AIF1L: variants seen among roughly 807,000 people sequenced by gnomAD.
The protein encoded by AIF1L is allograft inflammatory factor 1-like.
Under a neutral mutation model 20.7 loss-of-function variants are expected in AIF1L, and 12 were observed. The observed-to-expected ratio is 0.58, with a 90% CI of 0.37 to 0.94. The LOEUF is 0.94. Ranked by LOEUF, AIF1L falls within the 40% of genes least tolerant of loss-of-function variation. The probability of loss-of-function intolerance (pLI) is 0.01; values close to 1 mark genes in which losing one functional copy is unlikely to be tolerated. For missense variants in AIF1L, 173 were observed against 185.3 expected (o/e 0.93, Z 0.39); for synonymous variants, 76 against 65.1 (o/e 1.17, Z -0.81).
At chr9:131,101,336 A>G (rs979636360) in intron 2 of AIF1L, among the ~76,000 whole-genome samples, 4 of 151,880 alleles carry the variant, frequency 2.6e-5, no homozygotes, top group Admixed American at 6.6e-5. Flanking sequence ...GCCCCATGGG[A>G]TAAGGATTAT....
intron 2 of AIF1L, chr9:131,102,795 T>C (rs1195392752): frequency 1.2e-5 from 5 of 429,232 alleles, no homozygotes; most frequent in African/African-American, 2.0e-5. Flanking sequence ...TAAGAGCCTG[T>C]GGGCTGCGTC....
At chr9:131,108,923 T>A (rs1830811752) in intron 2 of AIF1L, among the ~76,000 whole-genome samples, 1 of 152,220 alleles carries the variant, frequency 6.6e-6, no homozygotes, top group Non-Finnish European at 1.5e-5. Context: ...TGTCATCCTC[T>A]ATTCTGCTTG....
At chr9:131,117,962 A>T in intron 5 of AIF1L, 44 bp downstream of exon 5, 1 of 1,571,102 alleles carries the variant, frequency 6.4e-7, no homozygotes, top group Non-Finnish European at 8.6e-7. Context: ...AGGCAAAATC[A>T]TTCTGTGCAG....
intron 2 of AIF1L, among the ~76,000 whole-genome samples, chr9:131,106,586 C>T (rs961607123): frequency 6.6e-6 from 1 of 151,920 alleles, no homozygotes; most frequent in Non-Finnish European, 1.5e-5. Flanking sequence ...AGTTTAAGAC[C>T]AGCCTGGGCA....
chr9:131,118,273 A>G (rs1160360955), intron 5 of AIF1L, among the ~76,000 whole-genome samples: 11 of 152,042 alleles, frequency 7.2e-5, no homozygotes, highest in Admixed American at 7.2e-4. Flanking sequence ...TTGTATTTTT[A>G]GAAGAGACGG....
chr9:131,120,432 G>T lies in AIF1L; in HGVS notation c.*110G>T. 1.3e-5 allele frequency: 12 copies of T among 937,832 alleles called. No homozygotes were observed. The highest frequency in any genetic ancestry group is 1.9e-5 in the Non-Finnish European group (12 of 635,334). 58.1% of individuals were successfully genotyped at this position (937,832 alleles called of 1,614,324 possible). On this transcript the variant is annotated 3_prime_UTR_variant, in exon 6 of 6. Transcript: ENST00000247291. ...CTCTCTCATTTGTTTGGTCATTGAG[G>T]GTTTGTTTGTGTTTTCATCAATGTC...
At position 131,111,659 on chromosome 9, in the gene AIF1L, CAAAGGTAAGCTG is replaced by C. The variant is rs1376101767; in HGVS notation, c.157_160+8del. Reference sequence around the variant, plus strand: ...ACCTTCCAGAAAAGCTCACAGCCTTCAAAGGTAAGCTGGGGCGGGCTGCCCTGCATTTATTCC... The same window carrying C: ...ACCTTCCAGAAAAGCTCACAGCCTTCGGGCGGGCTGCCCTGCATTTATTCC... On this transcript the variant is annotated splice_donor_variant and splice_donor_5th_base_variant and coding_sequence_variant and intron_variant, in exon 3 of 6. Coordinates refer to ENST00000247291, the MANE Select transcript of AIF1L (RefSeq NM_031426.4). LOFTEE classifies it high-confidence loss of function. The C allele has an allele frequency of 6.2e-7, 1 of 1,613,874 alleles. No homozygotes were observed. The highest frequency in any genetic ancestry group is 8.5e-7 in the Non-Finnish European group (1 of 1,179,952).
chr9:131,116,720 T>C (rs1831021565), intron 4 of AIF1L, among the ~76,000 whole-genome samples: 2 of 152,234 alleles, frequency 1.3e-5, no homozygotes, highest in African/African-American at 4.8e-5. Flanking sequence ...CTTGTTCACC[T>C]CCCTGGTTAT....
chr9:131,115,670 T>C (rs1416285450), intron 4 of AIF1L, among the ~76,000 whole-genome samples: 1 of 151,482 alleles, frequency 6.6e-6, no homozygotes, highest in East Asian at 2.0e-4. Context: ...ATCATTTTTT[T>C]TTTTCTTTAG....
intron 4 of AIF1L, among the ~76,000 whole-genome samples, chr9:131,115,475 G>T: frequency 3.1e-5 from 2 of 64,654 alleles, no homozygotes; most frequent in Non-Finnish European, 3.5e-5. Context: ...AAAAAAAAAA[G>T]CAAAAAGAAA....
intron 2 of AIF1L, chr9:131,103,035 G>T: frequency 2.2e-6 from 1 of 455,652 alleles, no homozygotes; most frequent in Non-Finnish European, 4.4e-6. Context: ...CAGGCAGGTG[G>T]GAGGGCTTCT....
chr9:131,113,163 A>C (rs1355827296), intron 3 of AIF1L, among the ~76,000 whole-genome samples: 1 of 151,682 alleles, frequency 6.6e-6, no homozygotes, highest in Non-Finnish European at 1.5e-5. Context: ...TGAGGGAGGG[A>C]GGACAGGAGT....
chr9:131,118,696 G>A (rs1001595498), intron 5 of AIF1L, among the ~76,000 whole-genome samples: 6 of 151,742 alleles, frequency 4.0e-5, no homozygotes, highest in South Asian at 2.1e-4. Flanking sequence ...ACAGGTGTGC[G>A]CCACCACACC....
At chr9:131,113,616 C>T (rs985743662) in intron 3 of AIF1L, among the ~76,000 whole-genome samples, 11 of 151,830 alleles carry the variant, frequency 7.2e-5, no homozygotes, top group Admixed American at 1.3e-4. Flanking sequence ...CCTGAGATCA[C>T]GCCACTACAC....
intron 2 of AIF1L, among the ~76,000 whole-genome samples, chr9:131,097,426 A>G (rs1564162380): frequency 1.3e-5 from 2 of 149,056 alleles, no homozygotes. Flanking sequence ...TACAAATAGA[A>G]GACTCTGATG....
intron 2 of AIF1L, among the ~76,000 whole-genome samples, chr9:131,100,205 C>A (rs747632753): frequency 6.6e-6 from 1 of 152,112 alleles, no homozygotes; most frequent in Non-Finnish European, 1.5e-5. Flanking sequence ...CCATACCCTG[C>A]CTTAGCTATT....
chr9:131,113,719 G>A (rs1259127031), intron 3 of AIF1L, among the ~76,000 whole-genome samples: 1 of 152,070 alleles, frequency 6.6e-6, no homozygotes, highest in African/African-American at 2.4e-5. Context: ...CATGAGGAAG[G>A]GTGCTGAGAA....
rs868716011 is a variant in AIF1L, at chr9:131,120,400, T to C, written c.*78T>C. 9.8e-7 allele frequency: 1 copy of C among 1,020,008 alleles called. No homozygotes were observed. Among genetic ancestry groups the C allele is most frequent in the Middle Eastern group, 2.8e-4 (1 of 3,582 alleles). The allele number at this position is 1,020,008 out of a possible 1,614,324, so 63.2% of individuals were successfully genotyped here. ...TGCTGCCCTTCTTGACACACTGTGA[T>C]CTCTCTCTCTCTCATTTGTTTGGTC... On this transcript the variant is annotated 3_prime_UTR_variant, in exon 6 of 6. Transcript: ENST00000247291.
In AIF1L at chr9:131,121,036, CA is replaced by C; in HGVS notation, c.*715del. 1 of 694,378 alleles carries C rather than the reference CA, an allele frequency of 1.4e-6. No individual in the cohort carries two copies. Among genetic ancestry groups the C allele is most frequent in the Admixed American group, 2.1e-5 (1 of 47,874 alleles). 43.0% of individuals were successfully genotyped at this position (694,378 alleles called of 1,614,324 possible). A position where few individuals can be genotyped will look rare whatever the true frequency, so the allele number is the denominator to read the frequency against. On this transcript the variant is annotated 3_prime_UTR_variant, in exon 6 of 6. Transcript: ENST00000247291. ...GCCCTACTGTCCCTTACTGGGGCAGCAGAGGGCTTCGGAGGCAGAAGTGAGG... is the reference window on the plus strand; with the variant it reads ...GCCCTACTGTCCCTTACTGGGGCAGCGAGGGCTTCGGAGGCAGAAGTGAGG...
Sources: allele counts gnomAD v4.1 joint callset (sites outside exome capture counted in the v4.1 genomes callset), GRCh38; gene constraint gnomAD v4.1.1; transcripts MANE v1.5; gene names NCBI Gene and HGNC (gene_info 2026-07-23, HGNC 2026-07-21).